Variants in KCNMB3 observed in about 807,000 individuals in gnomAD.
KCNMB3 encodes the protein potassium calcium-activated channel subfamily M regulatory beta subunit 3, also known as calcium-activated potassium channel subunit beta-3.
In KCNMB3, 18 loss-of-function variants were observed where a neutral mutation model predicts 11.9. The ratio of observed to expected loss-of-function variants is 1.51; its 90% CI spans 1.04 to 2.23. The LOEUF (loss-of-function observed/expected upper bound fraction) is 2.23, where lower values mean the gene tolerates loss of function less well. Among genes scored for constraint, KCNMB3 ranks in the 30% most tolerant of loss-of-function variants. The pLI is 0.00. For synonymous variants in KCNMB3, 78 were observed against 119.2 expected (o/e 0.65, Z 2.25); for missense variants, 247 against 329.4 (o/e 0.75, Z 1.94).
rs548149527 is a variant in KCNMB3, at chr3:179,261,179, T to G, written c.62+5470A>C. On this transcript the variant is annotated intron_variant, in intron 1 of 3. Coordinates refer to the KCNMB3 transcript ENST00000349697. ...GATCTCACGAGCCTCCGCGCGGGCC[T>G]CCCGTTTTGCGGCGAGCCGGGCCTC... 3.5e-4 allele frequency: 467 copies of G among 1,341,846 alleles called. 5 individuals carry two copies. The African/African-American group carries it at 6.1e-3, about 18-fold the overall frequency. 83.1% of individuals were successfully genotyped at this position (1,341,846 alleles called of 1,614,324 possible). A position where few individuals can be genotyped will look rare whatever the true frequency, so the allele number is the denominator to read the frequency against.
At chr3:179,240,293 C>T (rs772246877), downstream of KCNMB3, 33 of 467,818 alleles carry the variant, frequency 7.1e-5, no homozygotes, top group Non-Finnish European at 1.2e-4. Flanking sequence ...TTTTCTACCC[C>T]AGTAAAGTGA....
In KCNMB3 at chr3:179,249,377, A is replaced by C. The variant is rs184781322; in HGVS notation, c.248+1366T>G. Among the ~76,000 whole-genome samples the C allele has an allele frequency of 4.8e-4, 71 of 148,816 alleles. 1 individual carries two copies. The East Asian group carries it at 0.014, about 29-fold the overall frequency. On this transcript the variant is annotated intron_variant, in intron 1 of 2. Coordinates refer to ENST00000392685, the MANE Select transcript of KCNMB3 (RefSeq NM_171830.2). ...AAAAGAAAATGTTATTAAGAAAATC[A>C]TGGCCAGGCATGGTGGCTCACGCCT... is the stretch of plus-strand genomic sequence containing the variant.
chr3:179,246,068 C>T (rs1438945032), intron 1 of KCNMB3, among the ~76,000 whole-genome samples: 4 of 152,154 alleles, frequency 2.6e-5, no homozygotes, highest in East Asian at 1.9e-4. Flanking sequence ...GTTTACTTAC[C>T]GGTTCCTTAA....
chr3:179,241,976 T>C (rs1325266997), downstream of KCNMB3: 2 of 154,202 alleles, frequency 1.3e-5, no homozygotes, highest in Admixed American at 6.5e-5. Flanking sequence ...TATGAAAAGC[T>C]TAATTAACTA....
At chr3:179,263,220 G>A (rs1242076030) in intron 1 of KCNMB3, among the ~76,000 whole-genome samples, 1 of 152,258 alleles carries the variant, frequency 6.6e-6, no homozygotes. Context: ...CTAAGGCCCT[G>A]TGAGAAATTG....
At chr3:179,260,964 T>G (rs1726186699) in intron 1 of KCNMB3, 1 of 1,041,426 alleles carries the variant, frequency 9.6e-7, no homozygotes, top group Non-Finnish European at 1.5e-6. Context: ...GAGTCCTTGA[T>G]TTCCCTGATG....
chr3:179,239,994 A>G (rs1256282767), downstream of KCNMB3: 18 of 1,540,844 alleles, frequency 1.2e-5, 1 homozygote, highest in East Asian at 3.9e-4. Flanking sequence ...CTGTGACTGC[A>G]CTTACTGTTT....
At chr3:179,251,549 T>C (rs1725843825), upstream of KCNMB3, 3 of 1,329,000 alleles carry the variant, frequency 2.3e-6, no homozygotes, top group Non-Finnish European at 1.9e-6. Flanking sequence ...CTTCATTTCT[T>C]CTCTCCTCTC....
At position 179,251,081 on chromosome 3, in the gene KCNMB3, T is replaced by C; in HGVS notation, c.-91A>G. On this transcript the variant is annotated 5_prime_UTR_variant, in exon 1 of 3. Coordinates refer to ENST00000392685, the MANE Select transcript of KCNMB3 (RefSeq NM_171830.2). ...GAATGCAACAAAATGAAATCCCAGT[T>C]CAGAGCTTGGTGAAAAGTCCATCTA... The C allele has an allele frequency of 6.2e-7, 1 of 1,614,156 alleles. No individual in the cohort carries two copies. Among genetic ancestry groups the C allele is most frequent in the Non-Finnish European group, 8.5e-7 (1 of 1,180,020 alleles).
chr3:179,257,900 T>TGTGTG (rs1560160040), intron 1 of KCNMB3, among the ~76,000 whole-genome samples: 7 of 140,442 alleles, frequency 5.0e-5, no homozygotes, highest in African/African-American at 1.8e-4. Flanking sequence ...GTGTGTGTGT[T>TGTGTG]TTTTAGACAG....
chr3:179,260,639 G>T, intron 1 of KCNMB3: 2 of 1,329,524 alleles, frequency 1.5e-6, no homozygotes, highest in South Asian at 1.2e-5. Context: ...ATTACTGAGA[G>T]TGTCGGAAGT....
At chr3:179,247,008 A>G (rs983071886) in intron 1 of KCNMB3, among the ~76,000 whole-genome samples, 1 of 152,194 alleles carries the variant, frequency 6.6e-6, no homozygotes, top group Non-Finnish European at 1.5e-5. Flanking sequence ...GAGTGGGGAT[A>G]GGTATGAACT....
chr3:179,255,596 A>T (rs1164871344), upstream of KCNMB3, among the ~76,000 whole-genome samples: 1 of 152,196 alleles, frequency 6.6e-6, no homozygotes, highest in Admixed American at 6.5e-5. Context: ...AGATAGATTA[A>T]ATAGTGTAAC....
upstream of KCNMB3, among the ~76,000 whole-genome samples, chr3:179,253,831 T>C (rs1022596162): frequency 6.6e-6 from 1 of 152,018 alleles, no homozygotes; most frequent in Non-Finnish European, 1.5e-5. Context: ...TAAATAAATT[T>C]AAAAATTTTT....
chr3:179,239,956 T>A (rs1725409368), downstream of KCNMB3: 1 of 1,275,090 alleles, frequency 7.8e-7, no homozygotes, highest in Non-Finnish European at 1.1e-6. Context: ...CTCTTCCCAG[T>A]CTTGCTGTTC....
chr3:179,246,933 C>T (rs891029332), intron 1 of KCNMB3, among the ~76,000 whole-genome samples: 3 of 152,092 alleles, frequency 2.0e-5, no homozygotes, highest in East Asian at 1.9e-4. Context: ...TCAATAGCAT[C>T]GGGTGTGTAT....
At position 179,259,818 on chromosome 3, in the gene KCNMB3, C is replaced by CT. The variant is rs1354911250; in HGVS notation, c.62+6830dup. On this transcript the variant is annotated intron_variant, in intron 1 of 3. Transcript: ENST00000349697. The stretch of plus-strand genomic sequence containing the variant: ...TGGCTCTTTCATATCTGAGGGTTCA[C>CT]TTTGAGTGTCTACTGTACTTGGACC... 9 of 1,604,480 alleles carry CT rather than the reference C, an allele frequency of 5.6e-6. No homozygotes were observed. The Admixed American group carries it at 1.6e-4, about 28-fold the overall frequency.
At chr3:179,257,873 TG>T (rs1442907224) in intron 1 of KCNMB3, among the ~76,000 whole-genome samples, 3 of 5,146 alleles carry the variant, frequency 5.8e-4, no homozygotes, top group Admixed American at 2.7e-3. Context: ...AACATTGTTT[TG>T]TGTGTGTGTG....
upstream of KCNMB3, among the ~76,000 whole-genome samples, chr3:179,251,894 G>T (rs1477773116): frequency 6.6e-6 from 1 of 151,988 alleles, no homozygotes; most frequent in Admixed American, 6.6e-5. Flanking sequence ...GCTAATTTTT[G>T]TATTTTAAGT....
Sources: allele counts gnomAD v4.1 joint callset (sites outside exome capture counted in the v4.1 genomes callset), GRCh38; gene constraint gnomAD v4.1.1; transcripts MANE v1.5; gene names NCBI Gene and HGNC (gene_info 2026-07-23, HGNC 2026-07-21).